Variants in GTF2IRD1 observed in about 807,000 individuals in gnomAD.
GTF2IRD1 encodes GTF2I repeat domain containing 1.
GTF2IRD1 carries 26 observed loss-of-function variants against 113.2 expected under a neutral mutation model. The observed-to-expected ratio is 0.23, with a 90% CI of 0.17 to 0.32. The LOEUF is 0.32. Ranked by LOEUF, GTF2IRD1 falls within the 10% of genes least tolerant of loss-of-function variation. The probability of loss-of-function intolerance (pLI) is 1.00; values close to 1 mark genes in which losing one functional copy is unlikely to be tolerated. For missense variants in GTF2IRD1, 864 were observed against 1,280.8 expected (o/e 0.67, Z 4.97); for synonymous variants, 484 against 529.1 (o/e 0.91, Z 1.17).
At chr7:74,503,547 G>A (rs10252061) in intron 1 of GTF2IRD1, among the ~76,000 whole-genome samples, 11,864 of 152,102 alleles carry the variant, frequency 0.078, 1,402 homozygotes, top group African/African-American at 0.26. Flanking sequence ...TCAGGAGTTC[G>A]AGACCAGTCT....
At chr7:74,534,009 A>G (rs1392450790) in intron 9 of GTF2IRD1, among the ~76,000 whole-genome samples, 1 of 151,626 alleles carries the variant, frequency 6.6e-6, no homozygotes, top group South Asian at 2.1e-4. Flanking sequence ...AGCCTGGGTG[A>G]TAGAGCAAGA....
At chr7:74,498,514 C>A (rs1437762375) in intron 1 of GTF2IRD1, among the ~76,000 whole-genome samples, 1 of 152,118 alleles carries the variant, frequency 6.6e-6, no homozygotes, top group Non-Finnish European at 1.5e-5. Flanking sequence ...AGGGTATTAT[C>A]CTTCCACTCC....
intron 2 of GTF2IRD1, among the ~76,000 whole-genome samples, chr7:74,509,337 A>G (rs1286901793): frequency 6.6e-6 from 1 of 152,078 alleles, no homozygotes; most frequent in Non-Finnish European, 1.5e-5. Context: ...CGCCTGGGCA[A>G]CAGAGGGGGA....
At chr7:74,564,920 G>C (rs1167570757) in intron 22 of GTF2IRD1, among the ~76,000 whole-genome samples, 4 of 152,176 alleles carry the variant, frequency 2.6e-5, no homozygotes, top group African/African-American at 9.7e-5. Context: ...ACTTGGACTT[G>C]GACCAAGCCT....
At chr7:74,490,549 C>A (rs935680413) in intron 1 of GTF2IRD1, among the ~76,000 whole-genome samples, 27 of 151,590 alleles carry the variant, frequency 1.8e-4, no homozygotes, top group East Asian at 7.8e-4. Context: ...GATACCCCCC[C>A]CCCCGCCCGC....
chr7:74,477,953 C>A (rs1794519443), intron 1 of GTF2IRD1, among the ~76,000 whole-genome samples: 1 of 152,208 alleles, frequency 6.6e-6, no homozygotes, highest in Non-Finnish European at 1.5e-5. Context: ...CCAGGGCCCC[C>A]CTGCACTGCC....
chr7:74,525,549 C>T (rs894355894), intron 8 of GTF2IRD1, among the ~76,000 whole-genome samples: 24 of 152,148 alleles, frequency 1.6e-4, no homozygotes, highest in African/African-American at 4.1e-4. Flanking sequence ...CTCGAGAGTT[C>T]GAGACCAGCC....
At chr7:74,551,115 A>C (rs1320183989) in intron 17 of GTF2IRD1, among the ~76,000 whole-genome samples, 1 of 152,026 alleles carries the variant, frequency 6.6e-6, no homozygotes, top group Non-Finnish European at 1.5e-5. Context: ...GCCAAGGCAG[A>C]TGGATCACTT....
At chr7:74,568,480 C>G (rs1483049526) in intron 22 of GTF2IRD1, among the ~76,000 whole-genome samples, 11 of 152,006 alleles carry the variant, frequency 7.2e-5, no homozygotes, top group Non-Finnish European at 7.4e-5. Context: ...AACCCCGTCT[C>G]TACTAAAAAT....
At chr7:74,537,446 T>TATACATACCTACTACATGC (rs1330169657) in intron 11 of GTF2IRD1, among the ~76,000 whole-genome samples, 3 of 151,912 alleles carry the variant, frequency 2.0e-5, no homozygotes, top group South Asian at 2.1e-4. Context: ...TGGATGCATG[T>TATACATACCTACTACATGC]ATACATACCT....
chr7:74,557,569 T>A (rs587732141), intron 19 of GTF2IRD1, 70 bp from the exon 20 acceptor site: 1 of 1,027,244 alleles, frequency 9.7e-7, no homozygotes, highest in African/African-American at 1.6e-5. Context: ...TAGAAAATCA[T>A]CTTCCTTAAA....
intron 6 of GTF2IRD1, among the ~76,000 whole-genome samples, 154 bp from the exon 7 acceptor site, chr7:74,521,054 C>G (rs587641437): frequency 6.6e-6 from 1 of 152,032 alleles, no homozygotes; most frequent in Admixed American, 6.6e-5. Context: ...TGGTCAGGGG[C>G]CTTGCCTTGA....
chr7:74,531,212 C>A (rs2284256), intron 9 of GTF2IRD1, among the ~76,000 whole-genome samples: 52,247 of 151,800 alleles, frequency 0.34, 10,757 homozygotes, highest in African/African-American at 0.57. Context: ...CTCTACTAAA[C>A]ATACAAAAAT....
chr7:74,565,635 G>C (rs1488065785), intron 22 of GTF2IRD1, among the ~76,000 whole-genome samples: 4 of 152,016 alleles, frequency 2.6e-5, no homozygotes, highest in Admixed American at 2.6e-4. Context: ...CCAGGTAGCT[G>C]CTGTAATATT....
intron 1 of GTF2IRD1, among the ~76,000 whole-genome samples, chr7:74,485,433 C>A (rs540372041): frequency 1.3e-5 from 2 of 151,830 alleles, no homozygotes; most frequent in African/African-American, 4.8e-5. Context: ...CTGGCTAACA[C>A]GGTGAAACCC....
intron 22 of GTF2IRD1, among the ~76,000 whole-genome samples, chr7:74,564,125 C>G (rs1800148211): frequency 6.6e-6 from 1 of 152,146 alleles, no homozygotes; most frequent in South Asian, 2.1e-4. Flanking sequence ...CTCCCGAGTT[C>G]AAGCGATTCG....
In GTF2IRD1 at chr7:74,532,832, T is replaced by C. The variant is rs587693101; in HGVS notation, c.1275-2281T>C. ...TTTTAATTTCCTGCTGGGTCCTCCC[T>C]TGGACATTGTCAGGTATGCAGGCTG... On this transcript the variant is annotated intron_variant, in intron 9 of 26. Coordinates refer to ENST00000424337, the MANE Select transcript of GTF2IRD1 (RefSeq NM_005685.4). 2.0e-5 allele frequency among the ~76,000 whole-genome samples: 3 copies of C among 152,284 alleles called. No individual in the cohort carries two copies. In the South Asian group the frequency reaches 6.2e-4, roughly 32 times the overall value.
chr7:74,471,701 A>AAAC lies in GTF2IRD1; in HGVS notation c.-7+17525_-7+17526insAAC, dbSNP rs1554332421. ...AAAAAAAAAAAAAACAAAAAAAAAA[A>AAAC]CAAAAAAAACGGCCGGGTGCGGTGG... is the stretch of plus-strand genomic sequence containing the variant. On this transcript the variant is annotated intron_variant, in intron 1 of 26. Coordinates refer to ENST00000424337, the MANE Select transcript of GTF2IRD1 (RefSeq NM_005685.4). Among the ~76,000 whole-genome samples the AAAC allele has an allele frequency of 4.7e-3, 630 of 134,706 alleles. 5 individuals carry two copies. Among genetic ancestry groups the AAAC allele is most frequent in the African/African-American group, 0.014 (506 of 35,580 alleles). 88.4% of individuals were successfully genotyped at this position (134,706 alleles called of 152,430 possible). A position where few individuals can be genotyped will look rare whatever the true frequency, so the allele number is the denominator to read the frequency against.
intron 9 of GTF2IRD1, among the ~76,000 whole-genome samples, chr7:74,530,793 A>G (rs1554348660): frequency 6.6e-6 from 1 of 152,098 alleles, no homozygotes; most frequent in East Asian, 1.9e-4. Flanking sequence ...GGTGCACCTG[A>G]AGACATTTCC....
Sources: gnomAD v4.1 joint callset for allele counts (sites outside exome capture counted in the v4.1 genomes callset) on GRCh38, gnomAD v4.1.1 for gene constraint, MANE v1.5 for transcripts, NCBI Gene and HGNC (gene_info 2026-07-23, HGNC 2026-07-21) for gene names.